Variants in CACNB2 observed in about 807,000 individuals in gnomAD.
CACNB2 encodes voltage-dependent L-type calcium channel subunit beta-2.
CACNB2 carries 42 observed loss-of-function variants against 73.3 expected under a neutral mutation model. The ratio of observed to expected loss-of-function variants is 0.57; its 90% CI spans 0.45 to 0.74. The LOEUF (loss-of-function observed/expected upper bound fraction) is 0.74, where lower values mean the gene tolerates loss of function less well. CACNB2 is among the 30% of genes least tolerant of loss of function. The pLI is 0.00. For synonymous variants in CACNB2, 348 were observed against 310.3 expected, an observed-to-expected ratio of 1.12 and a Z score of -1.28; for missense variants, 940 against 853.0, an observed-to-expected ratio of 1.10 and a Z score of -1.27.
chr10:18,230,187 C>A (rs1322773261), intron 2 of CACNB2, among the ~76,000 whole-genome samples: 1 of 152,138 alleles, frequency 6.6e-6, no homozygotes, highest in Non-Finnish European at 1.5e-5. Context: ...AGAGCATCCC[C>A]AACTCCCTTG....
At position 18,374,656 on chromosome 10, in the gene CACNB2, G is replaced by A. The variant is rs12264561; in HGVS notation, c.214-27268G>A. Among the ~76,000 whole-genome samples the A allele has an allele frequency of 6.2e-3, 940 of 152,244 alleles. 5 individuals carry two copies. The highest frequency in any genetic ancestry group is 0.022 in the African/African-American group (894 of 41,538). On this transcript the variant is annotated intron_variant, in intron 2 of 13. Coordinates refer to ENST00000324631, the MANE Select transcript of CACNB2 (RefSeq NM_201596.3). ...TTGAAGTCCTTTGTCACCTAGATAG[G>A]CTTTTTGTATTCTCCACAGTAGTTC...
chr10:18,255,360 G>A (rs61844244), intron 2 of CACNB2, among the ~76,000 whole-genome samples: 325 of 152,284 alleles, frequency 2.1e-3, no homozygotes, highest in Non-Finnish European at 3.4e-3. Context: ...AGCTCAGGTA[G>A]CAGTGCCCCA....
At chr10:18,238,589 T>G (rs2036535311) in intron 2 of CACNB2, 1 of 152,272 alleles carries the variant, frequency 6.6e-6, no homozygotes, top group Non-Finnish European at 1.5e-5. Context: ...AGGATTATTT[T>G]AAATCTTTTG....
intron 3 of CACNB2, among the ~76,000 whole-genome samples, chr10:18,429,597 C>T (rs761632810): frequency 2.7e-5 from 4 of 148,804 alleles, no homozygotes; most frequent in South Asian, 2.1e-4. Context: ...GAGGCCAAGG[C>T]GGGGGTATCA....
intron 2 of CACNB2, among the ~76,000 whole-genome samples, chr10:18,362,015 G>A (rs1297816290): frequency 6.6e-6 from 1 of 152,038 alleles, no homozygotes; most frequent in African/African-American, 2.4e-5. Context: ...ATTTTGTAGG[G>A]ATGAGGTTTT....
chr10:18,386,585 T>G, intron 2 of CACNB2, among the ~76,000 whole-genome samples: 1 of 151,894 alleles, frequency 6.6e-6, no homozygotes, highest in African/African-American at 2.4e-5. Flanking sequence ...TTGCATTTTT[T>G]TTAGTAGAGA....
intron 2 of CACNB2, among the ~76,000 whole-genome samples, chr10:18,314,362 A>T (rs1172000179): frequency 6.6e-6 from 1 of 152,230 alleles, no homozygotes; most frequent in Non-Finnish European, 1.5e-5. Context: ...TAAGGAGATT[A>T]CAAAGATGTT....
At chr10:18,443,633 A>G (rs116535346) in intron 3 of CACNB2, among the ~76,000 whole-genome samples, 183 of 151,952 alleles carry the variant, frequency 1.2e-3, no homozygotes, top group African/African-American at 4.1e-3. Flanking sequence ...TCCTCCCAGG[A>G]CCACTCAGTA....
intron 3 of CACNB2, among the ~76,000 whole-genome samples, chr10:18,484,832 C>G (rs1316710011): frequency 1.3e-5 from 2 of 152,126 alleles, no homozygotes; most frequent in African/African-American, 2.4e-5. Context: ...TATACACTTG[C>G]ACTTACATAT....
Position 18,356,868 on chromosome 10 carries a change from G to A in CACNB2, c.214-45056G>A, listed in dbSNP as rs558784852. 6.7e-4 allele frequency among the ~76,000 whole-genome samples: 100 copies of A among 150,170 alleles called. 1 individual carries two copies. In the South Asian group the frequency reaches 0.018, roughly 28 times the overall value. On this transcript the variant is annotated intron_variant, in intron 2 of 13. Coordinates refer to ENST00000324631, the MANE Select transcript of CACNB2 (RefSeq NM_201596.3). ...TGGTCTCGAACTCCTGGGCTCAAAC[G>A]ATCCTCCTGCCTCAGCTTCCCAAAG...
intron 2 of CACNB2, among the ~76,000 whole-genome samples, chr10:18,191,176 C>T (rs2034377687): frequency 6.6e-6 from 1 of 152,200 alleles, no homozygotes; most frequent in African/African-American, 2.4e-5. Flanking sequence ...TTACTAAGTG[C>T]TTTTATGTTT....
intron 3 of CACNB2, among the ~76,000 whole-genome samples, chr10:18,492,620 C>CAAAAAAAAAAA (rs371407084): frequency 2.1e-4 from 19 of 90,094 alleles, no homozygotes; most frequent in South Asian, 4.5e-4. Context: ...GACTCTGTCT[C>CAAAAAAAAAAA]AAAAAAAAAA....
intron 2 of CACNB2, chr10:18,234,042 A>C (rs1263665861): frequency 6.6e-6 from 1 of 152,266 alleles, no homozygotes; most frequent in Non-Finnish European, 1.5e-5. Flanking sequence ...GACATACCAG[A>C]TACTGGGACA....
At chr10:18,442,654 G>A (rs898323877) in intron 3 of CACNB2, among the ~76,000 whole-genome samples, 18 of 150,558 alleles carry the variant, frequency 1.2e-4, no homozygotes, top group African/African-American at 4.1e-4. Flanking sequence ...ATGAAACCCC[G>A]TCTCTACTAA....
At chr10:18,528,472 A>G (rs1414635973) in intron 10 of CACNB2, among the ~76,000 whole-genome samples, 1 of 152,150 alleles carries the variant, frequency 6.6e-6, no homozygotes, top group Non-Finnish European at 1.5e-5. Flanking sequence ...AAACTTTCTG[A>G]GAGTTGTGTC....
chr10:18,309,398 G>A (rs1302730356), intron 2 of CACNB2, among the ~76,000 whole-genome samples: 1 of 152,154 alleles, frequency 6.6e-6, no homozygotes, highest in Non-Finnish European at 1.5e-5. Context: ...GTTGGGTCGG[G>A]GCTGCATGGT....
At chr10:18,298,397 C>A (rs928447458) in intron 2 of CACNB2, among the ~76,000 whole-genome samples, 1 of 151,844 alleles carries the variant, frequency 6.6e-6, no homozygotes, top group African/African-American at 2.4e-5. Context: ...ACCTTGAGAT[C>A]ACTATATCCA....
intron 2 of CACNB2, chr10:18,400,897 G>A: frequency 6.5e-7 from 1 of 1,543,962 alleles, no homozygotes; most frequent in Non-Finnish European, 8.7e-7. Context: ...AAGCCCCGGA[G>A]GCAGAAAGGG....
chr10:18,315,266 G>A (rs564372907), intron 2 of CACNB2, among the ~76,000 whole-genome samples: 95 of 152,000 alleles, frequency 6.3e-4, no homozygotes, highest in Non-Finnish European at 1.2e-3. Flanking sequence ...CTTGGGAGGT[G>A]GAGGTTGCAG....
Sources: gnomAD v4.1 joint callset for allele counts (sites outside exome capture counted in the v4.1 genomes callset) on GRCh38, gnomAD v4.1.1 for gene constraint, MANE v1.5 for transcripts, NCBI Gene and HGNC (gene_info 2026-07-23, HGNC 2026-07-21) for gene names.